The following FBXL20 variants were observed in gnomAD, a reference collection of about 807,000 sequenced individuals.
The protein encoded by FBXL20 is F-box and leucine rich repeat protein 20, also known as F-box/LRR-repeat protein 20.
A neutral mutation model predicts 64.0 loss-of-function variants in FBXL20; 11 were observed. The observed-to-expected ratio is 0.17, with a 90% CI of 0.11 to 0.28. FBXL20 has a LOEUF of 0.28. FBXL20 is among the 10% of genes least tolerant of loss of function. The probability of loss-of-function intolerance (pLI) is 1.00; values close to 1 mark genes in which losing one functional copy is unlikely to be tolerated. For synonymous variants in FBXL20, 184 were observed against 189.0 expected, an observed-to-expected ratio of 0.97 and a Z score of 0.22; for missense variants, 303 against 526.2, an observed-to-expected ratio of 0.58 and a Z score of 4.15.
chr17:39,365,016 T>C (rs964961538), intron 1 of FBXL20, among the ~76,000 whole-genome samples: 7 of 152,206 alleles, frequency 4.6e-5, no homozygotes, highest in African/African-American at 1.4e-4. Context: ...CTAAATTTCA[T>C]AGATTAAGAA....
intron 1 of FBXL20, among the ~76,000 whole-genome samples, chr17:39,393,763 CTT>C (rs1738268754): frequency 6.6e-6 from 1 of 152,130 alleles, no homozygotes; most frequent in Non-Finnish European, 1.5e-5. Flanking sequence ...ATTATTTAAA[CTT>C]TGCTGAATAC....
At chr17:39,362,299 A>G (rs2047804037) in intron 1 of FBXL20, among the ~76,000 whole-genome samples, 1 of 151,336 alleles carries the variant, frequency 6.6e-6, no homozygotes, top group African/African-American at 2.4e-5. Flanking sequence ...TCTCAAAAAA[A>G]AAAGAAAAAT....
chr17:39,363,298 G>A (rs1283716062), intron 1 of FBXL20, among the ~76,000 whole-genome samples: 1 of 152,032 alleles, frequency 6.6e-6, no homozygotes, highest in African/African-American at 2.4e-5. Flanking sequence ...ATGGGTGTGA[G>A]CCACCGCGCT....
intron 2 of FBXL20, among the ~76,000 whole-genome samples, chr17:39,323,686 C>A (rs968813316): frequency 6.6e-6 from 1 of 152,134 alleles, no homozygotes; most frequent in African/African-American, 2.4e-5. Context: ...CCTTAAAATA[C>A]AGGACACACC....
chr17:39,366,138 G>A (rs376939318), intron 1 of FBXL20, among the ~76,000 whole-genome samples: 63 of 152,138 alleles, frequency 4.1e-4, no homozygotes, highest in African/African-American at 1.5e-3. Flanking sequence ...CACTGCTTCT[G>A]GCTGTATTCA....
At chr17:39,350,397 A>G (rs8081033) in intron 1 of FBXL20, among the ~76,000 whole-genome samples, 56,264 of 151,804 alleles carry the variant, frequency 0.37, 13,113 homozygotes, top group African/African-American at 0.66. Context: ...GCAGAGGCAG[A>G]AGAATCGCTT....
upstream of FBXL20, chr17:39,402,434 G>C: frequency 2.6e-6 from 1 of 379,430 alleles, no homozygotes; most frequent in Non-Finnish European, 4.7e-6. Flanking sequence ...CAGGCCAAGT[G>C]CCCGCCCTGG....
chr17:39,391,159 G>T (rs1395723095), intron 1 of FBXL20, among the ~76,000 whole-genome samples: 1 of 151,140 alleles, frequency 6.6e-6, no homozygotes, highest in Non-Finnish European at 1.5e-5. Context: ...GCTCATTCCA[G>T]TAATCCTAGC....
At chr17:39,362,255 T>G (rs1402431090) in intron 1 of FBXL20, among the ~76,000 whole-genome samples, 2 of 150,560 alleles carry the variant, frequency 1.3e-5, no homozygotes, top group East Asian at 4.0e-4. Context: ...ACTGCCCCAC[T>G]GCATTGCAGC....
chr17:39,264,124 GAAGA>G, intron 14 of FBXL20, 47 bp downstream of exon 14: 1 of 1,549,452 alleles, frequency 6.5e-7, no homozygotes, highest in South Asian at 1.1e-5. Context: ...AAAAAAGAGA[GAAGA>G]AAGTGCTGCT....
chr17:39,363,837 A>T (rs1173806231), intron 1 of FBXL20, among the ~76,000 whole-genome samples: 2 of 148,220 alleles, frequency 1.3e-5, no homozygotes, highest in Admixed American at 6.9e-5. Context: ...CAAAAAACAA[A>T]AAAAAAAACA....
At chr17:39,391,898 C>A (rs1414396149) in intron 1 of FBXL20, among the ~76,000 whole-genome samples, 1 of 150,314 alleles carries the variant, frequency 6.7e-6, no homozygotes, top group East Asian at 1.9e-4. Context: ...AATCCTAGCA[C>A]TTTGGGAGGC....
intron 1 of FBXL20, among the ~76,000 whole-genome samples, chr17:39,363,438 TG>T (rs2144619384): frequency 6.6e-6 from 1 of 152,248 alleles, no homozygotes; most frequent in Admixed American, 6.5e-5. Flanking sequence ...ATTACAGGTG[TG>T]AGCCACCACA....
At chr17:39,321,871 T>C (rs2047360018) in intron 2 of FBXL20, among the ~76,000 whole-genome samples, 2 of 152,202 alleles carry the variant, frequency 1.3e-5, no homozygotes, top group African/African-American at 4.8e-5. Flanking sequence ...GATTCAATGT[T>C]TGAATTTAGT....
chr17:39,368,291 C>G (rs140468272), intron 1 of FBXL20, among the ~76,000 whole-genome samples: 1 of 152,070 alleles, frequency 6.6e-6, no homozygotes, highest in Non-Finnish European at 1.5e-5. Flanking sequence ...ACTCAGGAGG[C>G]TAAGGCAGGA....
At chr17:39,380,657 T>C (rs1475946336) in intron 1 of FBXL20, among the ~76,000 whole-genome samples, 2 of 152,186 alleles carry the variant, frequency 1.3e-5, no homozygotes, top group Non-Finnish European at 1.5e-5. Context: ...ATCTGGCATA[T>C]TATTTACTCT....
At position 39,254,532 on chromosome 17, in the gene FBXL20, A is replaced by G. The variant is rs2046677734; in HGVS notation, c.*6928T>C. ...GTCCTAGTACCAAAACCATGCCCAG[A>G]TGCAGCTGGGGTGCACTTGTGGTTC... On this transcript the variant is annotated 3_prime_UTR_variant, in exon 15 of 15. Coordinates refer to ENST00000264658, the MANE Select transcript of FBXL20 (RefSeq NM_032875.3). 6.5e-6 allele frequency: 1 copy of G among 154,402 alleles called. No homozygotes were observed. Among genetic ancestry groups the G allele is most frequent in the South Asian group, 2.0e-4 (1 of 4,900 alleles). 9.6% of individuals were successfully genotyped at this position (154,402 alleles called of 1,614,324 possible).
chr17:39,295,136 G>T (rs560612574), intron 6 of FBXL20, among the ~76,000 whole-genome samples: 1 of 152,220 alleles, frequency 6.6e-6, no homozygotes, highest in Non-Finnish European at 1.5e-5. Flanking sequence ...CTGTAAACTG[G>T]TAACAGTTAA....
chr17:39,301,584 C>T (rs1333439326), intron 3 of FBXL20, among the ~76,000 whole-genome samples: 3 of 152,136 alleles, frequency 2.0e-5, no homozygotes, highest in South Asian at 4.2e-4. Flanking sequence ...AAAAATTAGC[C>T]GGGTGTGGTG....
Sources: gnomAD v4.1 joint callset for allele counts (sites outside exome capture counted in the v4.1 genomes callset) on GRCh38, gnomAD v4.1.1 for gene constraint, MANE v1.5 for transcripts, NCBI Gene and HGNC (gene_info 2026-07-23, HGNC 2026-07-21) for gene names.